The following IRAK2 variants were observed in gnomAD, a reference collection of about 807,000 sequenced individuals.
IRAK2 encodes interleukin-1 receptor-associated kinase-like 2.
A neutral mutation model predicts 72.0 loss-of-function variants in IRAK2; 57 were observed. That is an observed-to-expected ratio of 0.79 (90% CI 0.64 to 0.99). The LOEUF (loss-of-function observed/expected upper bound fraction) is 0.99, where lower values mean the gene tolerates loss of function less well. Ranked by LOEUF, IRAK2 falls within the 50% of genes least tolerant of loss-of-function variation. IRAK2 has a pLI of 0.00. For synonymous variants in IRAK2, 293 were observed against 312.7 expected (o/e 0.94, Z 0.67); for missense variants, 790 against 794.4 (o/e 0.99, Z 0.07).
chr3:10,218,316 G>A (rs1211229103), intron 7 of IRAK2, among the ~76,000 whole-genome samples: 1 of 151,648 alleles, frequency 6.6e-6, no homozygotes, highest in East Asian at 1.9e-4. Flanking sequence ...ACCAGCTACT[G>A]AGGAGGCTGA....
At position 10,171,910 on chromosome 3, in the gene IRAK2, C is replaced by T. The variant is rs1447092862; in HGVS notation, c.95-5928C>T. Among the ~76,000 whole-genome samples, 11 of 151,764 alleles carry T rather than the reference C, an allele frequency of 7.2e-5. No individual in the cohort carries two copies. In the East Asian group the frequency reaches 8.0e-4, roughly 11 times the overall value. ...CCTCCAGAGTAGCTGGGACTACAGGCGCCCGCCACCACACTCTGCTAGTTT... is the reference window on the plus strand; with the variant it reads ...CCTCCAGAGTAGCTGGGACTACAGGTGCCCGCCACCACACTCTGCTAGTTT... On this transcript the variant is annotated intron_variant, in intron 1 of 12. Coordinates refer to ENST00000256458, the MANE Select transcript of IRAK2 (RefSeq NM_001570.4).
Position 10,216,203 on chromosome 3 carries a change from C to T in IRAK2, c.789-731C>T, listed in dbSNP as rs112235866. ...GCAGTGAATGGTGACTGATTTGATA[C>T]GGGAGATAAGAAGGTTTCTAGGAAA... On this transcript the variant is annotated intron_variant, in intron 6 of 12. Coordinates refer to ENST00000256458, the MANE Select transcript of IRAK2 (RefSeq NM_001570.4). Among the ~76,000 whole-genome samples, 979 of 152,066 alleles carry T rather than the reference C, an allele frequency of 6.4e-3. 15 individuals are homozygous for T. Among genetic ancestry groups the T allele is most frequent in the African/African-American group, 0.023 (943 of 41,460 alleles).
In IRAK2 at chr3:10,177,864, C is replaced by A. The variant is rs1231082752; in HGVS notation, c.121C>A (p.Gln41Lys). ...CTCCTACGTGATCACAGACCTGACCCAGCTGCGGAAGATCAAGTCCATGGA... is the reference window on the plus strand; with the variant it reads ...CTCCTACGTGATCACAGACCTGACCAAGCTGCGGAAGATCAAGTCCATGGA... ...FASYVITDLT[Q>K]LRKIKSMERV... is the part of the protein sequence containing the mutation. Residue 41 changes from glutamine to lysine, a missense_variant, in exon 2 of 13, where the codon CAG (glutamine) becomes AAG (lysine). By Grantham distance (53) the Gln-to-Lys change is moderately conservative. Coordinates refer to ENST00000256458, the MANE Select transcript of IRAK2 (RefSeq NM_001570.4). 7 of 1,613,390 alleles carry A rather than the reference C, an allele frequency of 4.3e-6. 1 individual carries two copies. In the East Asian group the frequency reaches 1.6e-4, roughly 36 times the overall value.
chr3:10,228,012 C>A (rs1697807344), intron 10 of IRAK2, among the ~76,000 whole-genome samples: 1 of 151,912 alleles, frequency 6.6e-6, no homozygotes, highest in Non-Finnish European at 1.5e-5. Context: ...CATACGAATT[C>A]AGTATTATCA....
intron 6 of IRAK2, among the ~76,000 whole-genome samples, chr3:10,215,208 G>T (rs1697583466): frequency 6.6e-6 from 1 of 151,182 alleles, no homozygotes; most frequent in South Asian, 2.2e-4. Context: ...CCAACATGGC[G>T]AAACCTCATC....
chr3:10,189,831 C>T (rs1485273131), intron 2 of IRAK2, among the ~76,000 whole-genome samples: 1 of 152,084 alleles, frequency 6.6e-6, no homozygotes, highest in Non-Finnish European at 1.5e-5. Flanking sequence ...GAAGGCTGCC[C>T]TGCCTCCGCC....
At chr3:10,176,154 T>C (rs1696872899) in intron 1 of IRAK2, among the ~76,000 whole-genome samples, 1 of 150,236 alleles carries the variant, frequency 6.7e-6, no homozygotes, top group Non-Finnish European at 1.5e-5. Flanking sequence ...TTATTGTTAC[T>C]AGTGGTAGCT....
At chr3:10,233,563 A>C (rs941655147) in intron 10 of IRAK2, among the ~76,000 whole-genome samples, 11 of 152,292 alleles carry the variant, frequency 7.2e-5, no homozygotes, top group Admixed American at 2.6e-4. Context: ...ATGTAAATAC[A>C]AAATGTATAA....
chr3:10,221,412 C>A (rs1211273872), intron 8 of IRAK2, among the ~76,000 whole-genome samples: 1 of 151,000 alleles, frequency 6.6e-6, no homozygotes, highest in Non-Finnish European at 1.5e-5. Flanking sequence ...TGCCACCATG[C>A]CCGGCTAACT....
chr3:10,216,884 A>G (rs770452165), intron 6 of IRAK2, 50 bp from the exon 7 acceptor site: 4 of 1,373,938 alleles, frequency 2.9e-6, no homozygotes, highest in Non-Finnish European at 4.2e-6. Flanking sequence ...GAGGAAGTAG[A>G]TCATTCTTTC....
intron 2 of IRAK2, among the ~76,000 whole-genome samples, chr3:10,183,486 G>A (rs1425306478): frequency 6.6e-6 from 1 of 152,190 alleles, no homozygotes; most frequent in African/African-American, 2.4e-5. Flanking sequence ...GGGAGGCCGA[G>A]GCGGGCAGAT....
intron 1 of IRAK2, among the ~76,000 whole-genome samples, chr3:10,172,710 T>C (rs1696816856): frequency 7.0e-6 from 1 of 143,478 alleles, no homozygotes; most frequent in African/African-American, 2.6e-5. Flanking sequence ...TGGTGGCACA[T>C]GCCTGTAGTC....
chr3:10,227,744 C>A (rs552169693), intron 10 of IRAK2, among the ~76,000 whole-genome samples: 85 of 151,394 alleles, frequency 5.6e-4, no homozygotes, highest in African/African-American at 2.0e-3. Flanking sequence ...TCTCGGCTCA[C>A]TACAAGCTCC....
intron 1 of IRAK2, among the ~76,000 whole-genome samples, chr3:10,167,502 C>T (rs968997379): frequency 2.0e-5 from 3 of 152,048 alleles, no homozygotes; most frequent in Non-Finnish European, 4.4e-5. Flanking sequence ...GCAAGCTCCA[C>T]CTCCTGGGTT....
rs144023241 is a variant in IRAK2 at position 10,231,571 on chromosome 3, G to A, written c.1273-2888G>A. On this transcript the variant is annotated intron_variant, in intron 10 of 12. Coordinates refer to ENST00000256458, the MANE Select transcript of IRAK2 (RefSeq NM_001570.4). ...GCCTCCCAAAGTGTTGGGATTACAG[G>A]TGTGAGCCACCGTGCCCAGCCAAAA... is the stretch of plus-strand genomic sequence containing the variant. 2.1e-3 allele frequency among the ~76,000 whole-genome samples: 314 copies of A among 152,262 alleles called. 6 individuals are homozygous for A. The South Asian group carries it at 0.044, about 21-fold the overall frequency.
chr3:10,183,897 C>G (rs1052887587), intron 2 of IRAK2, among the ~76,000 whole-genome samples: 4 of 152,172 alleles, frequency 2.6e-5, no homozygotes, highest in Non-Finnish European at 5.9e-5. Flanking sequence ...AGGTTCACTA[C>G]TGTAAAACAA....
intron 3 of IRAK2, among the ~76,000 whole-genome samples, chr3:10,205,350 T>C (rs1377306505): frequency 1.3e-5 from 2 of 152,164 alleles, no homozygotes; most frequent in African/African-American, 4.8e-5. Flanking sequence ...GGGTCCTGTC[T>C]GATTTTCCAG....
At position 10,168,941 on chromosome 3, in the gene IRAK2, C is replaced by A. The variant is rs529667844; in HGVS notation, c.94+3893C>A. On this transcript the variant is annotated intron_variant, in intron 1 of 12. Transcript: ENST00000256458. ...ATAGATTACTACAATATCAGGGGAACCAGCCCGCAGTATTTCAATGTAGGT... is the reference window on the plus strand; with the variant it reads ...ATAGATTACTACAATATCAGGGGAAACAGCCCGCAGTATTTCAATGTAGGT... 3.3e-5 allele frequency among the ~76,000 whole-genome samples: 5 copies of A among 152,310 alleles called. 1 individual carries two copies. Among genetic ancestry groups the A allele is most frequent in the East Asian group, 1.9e-4 (1 of 5,184 alleles).
intron 6 of IRAK2, among the ~76,000 whole-genome samples, chr3:10,214,791 T>A (rs1234729103): frequency 2.6e-5 from 4 of 151,438 alleles, no homozygotes; most frequent in Non-Finnish European, 5.9e-5. Flanking sequence ...CTGAAAAAAA[T>A]ATATATACAA....
Sources: gnomAD v4.1 joint callset for allele counts (sites outside exome capture counted in the v4.1 genomes callset) on GRCh38, gnomAD v4.1.1 for gene constraint, MANE v1.5 for transcripts, NCBI Gene and HGNC (gene_info 2026-07-23, HGNC 2026-07-21) for gene names.